Variants in ATXN7 observed in about 807,000 individuals in gnomAD.
The protein encoded by ATXN7 is ataxin 7, also known as ataxin-7.
ATXN7 carries 12 observed loss-of-function variants against 70.5 expected under a neutral mutation model. The ratio of observed to expected loss-of-function variants is 0.17; its 90% CI spans 0.11 to 0.28. The LOEUF is 0.28. ATXN7 is among the 10% of genes least tolerant of loss of function. ATXN7 has a pLI of 1.00. For missense variants in ATXN7, 1,256 were observed against 1,131.7 expected (o/e 1.11, Z -1.58); for synonymous variants, 498 against 448.7 (o/e 1.11, Z -1.39).
chr3:63,942,502 T>G (rs1266562138), intron 4 of ATXN7, among the ~76,000 whole-genome samples: 1 of 152,198 alleles, frequency 6.6e-6, no homozygotes, highest in Non-Finnish European at 1.5e-5. Flanking sequence ...GTTGTGAATT[T>G]TGTTCACCGA....
intron 10 of ATXN7, 83 bp downstream of exon 10, chr3:63,990,457 G>C (rs1185839700): frequency 1.3e-6 from 2 of 1,528,884 alleles, no homozygotes; most frequent in South Asian, 1.2e-5. Flanking sequence ...AGGGATCTTG[G>C]CATGCCCGTA....
At chr3:63,908,930 C>T (rs1055801509) in intron 2 of ATXN7, among the ~76,000 whole-genome samples, 6 of 152,174 alleles carry the variant, frequency 3.9e-5, no homozygotes, top group African/African-American at 1.4e-4. Flanking sequence ...AGCAGTACTT[C>T]ACCTCTGACA....
chr3:63,916,149 A>G (rs1438132887), intron 4 of ATXN7, among the ~76,000 whole-genome samples: 3 of 152,232 alleles, frequency 2.0e-5, no homozygotes, highest in East Asian at 1.9e-4. Flanking sequence ...TCTTTGGAAG[A>G]TAATACTACC....
chr3:64,002,777 A>C lies in ATXN7; in HGVS notation c.*3310A>C, dbSNP rs1286388333. ...AAGACCTCTTGGTTCATAGTAATTC[A>C]ATTGGTGATGGATTGCCTGGTGGCA... is the stretch of plus-strand genomic sequence containing the variant. On this transcript the variant is annotated 3_prime_UTR_variant, in exon 13 of 13. Transcript: ENST00000674280. 2 of 152,164 alleles carry C rather than the reference A, an allele frequency of 1.3e-5. No homozygotes were observed. Among genetic ancestry groups the C allele is most frequent in the African/African-American group, 4.8e-5 (2 of 41,450 alleles). The allele number at this position is 152,164 out of a possible 1,614,324, so 9.4% of individuals were successfully genotyped here.
rs543782921 is a variant in ATXN7, at chr3:63,998,369, TGTATACACACAC to T, written c.2662-1068_2662-1057del. 6.3e-4 allele frequency: 616 copies of T among 985,328 alleles called. 2 individuals carry two copies. The African/African-American group carries it at 8.2e-3, about 13-fold the overall frequency. 61.0% of individuals were successfully genotyped at this position (985,328 alleles called of 1,614,324 possible). On this transcript the variant is annotated intron_variant, in intron 12 of 12. Transcript: ENST00000674280. ...ATATATGTGTGTGTGTATATATATA[TGTATACACACAC>T]GTATACACACACACTTTTTTTTCTC...
At chr3:63,925,609 G>T (rs564082959) in intron 4 of ATXN7, among the ~76,000 whole-genome samples, 62 of 152,272 alleles carry the variant, frequency 4.1e-4, no homozygotes, top group African/African-American at 1.5e-3. Context: ...GTGTCATAAA[G>T]ATTGGGGACT....
intron 4 of ATXN7, among the ~76,000 whole-genome samples, chr3:63,939,291 A>T (rs1178585249): frequency 6.6e-6 from 1 of 152,148 alleles, no homozygotes; most frequent in Non-Finnish European, 1.5e-5. Context: ...TTACAAAGTC[A>T]TGTCAACAGT....
chr3:63,976,129 T>G (rs1270983453), intron 5 of ATXN7, among the ~76,000 whole-genome samples: 1 of 152,202 alleles, frequency 6.6e-6, no homozygotes, highest in Non-Finnish European at 1.5e-5. Flanking sequence ...ATAGGGTCCC[T>G]AACCCCACCT....
rs564386040 is a variant in ATXN7 at position 63,971,898 on chromosome 3, T to A, written c.500-8017T>A. Among the ~76,000 whole-genome samples, 11 of 152,316 alleles carry A rather than the reference T, an allele frequency of 7.2e-5. No homozygotes were observed. The East Asian group carries it at 1.7e-3, about 24-fold the overall frequency. On this transcript the variant is annotated intron_variant, in intron 5 of 12. Transcript: ENST00000674280. The stretch of plus-strand genomic sequence containing the variant: ...AAACACTAGTCTGGAGCAAAGTAGA[T>A]GTGTAAGAAAAAAGTGCTGAGTTTT...
At chr3:63,981,075 G>A (rs1050880318) in intron 6 of ATXN7, among the ~76,000 whole-genome samples, 1 of 152,130 alleles carries the variant, frequency 6.6e-6, no homozygotes, top group Non-Finnish European at 1.5e-5. Flanking sequence ...GCTTTTGGAG[G>A]GTATAGCACA....
chr3:63,913,073 C>T, intron 3 of ATXN7, 84 bp from the exon 4 acceptor site: 1 of 1,514,396 alleles, frequency 6.6e-7, no homozygotes, highest in African/African-American at 1.4e-5. Context: ...GTGCCCACAC[C>T]TACCCCGTGC....
intron 4 of ATXN7, among the ~76,000 whole-genome samples, chr3:63,945,169 G>GTC (rs1399107951): frequency 3.9e-5 from 6 of 152,168 alleles, no homozygotes; most frequent in Non-Finnish European, 8.8e-5. Context: ...GGATCATTCA[G>GTC]TCTTCACAAT....
chr3:63,998,571 C>T, intron 12 of ATXN7: 9 of 985,274 alleles, frequency 9.1e-6, no homozygotes, highest in Non-Finnish European at 1.1e-5. Context: ...AATCAGTTTC[C>T]ACTTAAGTTT....
intron 11 of ATXN7, among the ~76,000 whole-genome samples, chr3:63,994,002 G>A (rs927604994): frequency 6.6e-6 from 1 of 152,152 alleles, no homozygotes; most frequent in African/African-American, 2.4e-5. Context: ...CCTCCTCTAT[G>A]AGTAGTGCGG....
At chr3:63,962,908 C>CTAT (rs1553691654) in intron 5 of ATXN7, among the ~76,000 whole-genome samples, 24,056 of 136,236 alleles carry the variant, frequency 0.18, 2,329 homozygotes, top group East Asian at 0.41. Context: ...TTTTGTATTT[C>CTAT]TTTTTTTTTT....
rs560139309 is a variant in ATXN7, at chr3:63,952,752, C to G, written c.499+269C>G. ...TTAAAATGTTGCATCAGTATAATTACAAGTTTGTTTCCTTCTGGAGCCCCT... is the reference window on the plus strand; with the variant it reads ...TTAAAATGTTGCATCAGTATAATTAGAAGTTTGTTTCCTTCTGGAGCCCCT... On this transcript the variant is annotated intron_variant, in intron 5 of 12. Transcript: ENST00000674280. 1.3e-4 allele frequency among the ~76,000 whole-genome samples: 18 copies of G among 142,674 alleles called. 1 individual carries two copies. In the South Asian group the frequency reaches 2.6e-3, roughly 21 times the overall value. 93.6% of individuals were successfully genotyped at this position (142,674 alleles called of 152,430 possible). A position where few individuals can be genotyped will look rare whatever the true frequency, so the allele number is the denominator to read the frequency against.
At chr3:63,899,037 TAGC>T (rs1402313796) in intron 2 of ATXN7, among the ~76,000 whole-genome samples, 3 of 151,034 alleles carry the variant, frequency 2.0e-5, no homozygotes, top group African/African-American at 7.3e-5. Flanking sequence ...ATTACAAAAA[TAGC>T]AGCCATCATT....
intron 5 of ATXN7, among the ~76,000 whole-genome samples, chr3:63,954,932 C>T (rs1325407701): frequency 6.6e-6 from 1 of 152,088 alleles, no homozygotes. Flanking sequence ...TGGTCTGGAA[C>T]TCCTGACCTC....
At chr3:63,916,104 C>T (rs543791923) in intron 4 of ATXN7, among the ~76,000 whole-genome samples, 1 of 152,282 alleles carries the variant, frequency 6.6e-6, no homozygotes, top group South Asian at 2.1e-4. Flanking sequence ...CTTAACCTTG[C>T]ATTAGTTATT....
Sources: allele counts gnomAD v4.1 joint callset (sites outside exome capture counted in the v4.1 genomes callset), GRCh38; gene constraint gnomAD v4.1.1; transcripts MANE v1.5; gene names NCBI Gene and HGNC (gene_info 2026-07-23, HGNC 2026-07-21).